TRPV5: variants seen among roughly 807,000 people sequenced by gnomAD.
TRPV5 encodes transient receptor potential cation channel subfamily V member 5.
Under a neutral mutation model 74.1 loss-of-function variants are expected in TRPV5, and 66 were observed. The ratio of observed to expected loss-of-function variants is 0.89; its 90% confidence interval spans 0.73 to 1.09. The LOEUF (loss-of-function observed/expected upper bound fraction) is 1.09. Ranked by LOEUF, TRPV5 falls within the 50% of genes least tolerant of loss-of-function variation. The probability of loss-of-function intolerance (pLI) is 0.00; values close to 1 mark genes in which losing one functional copy is unlikely to be tolerated. For synonymous variants in TRPV5, 399 were observed against 360.7 expected (o/e 1.11, Z -1.20); for missense variants, 936 against 930.4 (o/e 1.01, Z -0.08).
chr7:142,930,271 T>A (rs1488858583), intron 2 of TRPV5, 78 bp downstream of exon 2: 1 of 1,610,660 alleles, frequency 6.2e-7, no homozygotes, highest in East Asian at 2.2e-5. Flanking sequence ...CAAGGCCCTA[T>A]TTCACAAACT....
intron 8 of TRPV5, among the ~76,000 whole-genome samples, chr7:142,919,488 GC>G (rs1255463591): frequency 6.6e-6 from 1 of 152,152 alleles, no homozygotes; most frequent in Non-Finnish European, 1.5e-5. Flanking sequence ...AACTAATCGT[GC>G]TTTTCTGAAA....
chr7:142,908,178 C>A lies in TRPV5; in HGVS notation c.*336G>T. On this transcript the variant is annotated 3_prime_UTR_variant, in exon 15 of 15. Transcript: ENST00000265310. ...GCCCTGGGGAGCCAGAAAAGCCTCACAGCTTACTACTTTCTAGGGGCTGCG... is the reference window on the plus strand; with the variant it reads ...GCCCTGGGGAGCCAGAAAAGCCTCAAAGCTTACTACTTTCTAGGGGCTGCG... 2 of 338,044 alleles carry A rather than the reference C, an allele frequency of 5.9e-6. No individual in the cohort carries two copies. Among genetic ancestry groups the A allele is most frequent in the Non-Finnish European group, 1.1e-5 (2 of 184,752 alleles). The allele number at this position is 338,044 out of a possible 1,614,324, so 20.9% of individuals were successfully genotyped here.
rs1305521296 is a variant in TRPV5 at position 142,929,546 on chromosome 7, G to A, written c.369C>T (p.Ile123=). 16 of 1,613,976 alleles carry A rather than the reference G, an allele frequency of 9.9e-6. No homozygotes were observed. The highest frequency in any genetic ancestry group is 9.9e-5 in the South Asian group (9 of 91,088). Residue 123 remains isoleucine (I), a synonymous_variant, in exon 4 of 15, where the codon ATC becomes ATT. Coordinates refer to ENST00000265310, the MANE Select transcript of TRPV5 (RefSeq NM_019841.7). ...EAFAGQTALH[I]AVVNQNVNLV... is the part of the protein sequence containing the mutation. Reference sequence around the variant, plus strand: ...GGTTCACATTCTGGTTCACAACAGCGATGTGCAGTGCAGTCTGACCTGGCC... The same window carrying A: ...GGTTCACATTCTGGTTCACAACAGCAATGTGCAGTGCAGTCTGACCTGGCC...
intron 8 of TRPV5, among the ~76,000 whole-genome samples, chr7:142,924,383 T>TACATATACATGTATATATATAC (rs1795947862): frequency 8.3e-6 from 1 of 120,436 alleles, no homozygotes; most frequent in African/African-American, 3.9e-5. Context: ...TACATATATA[T>TACATATACATGTATATATATAC]ATATATATAC....
At position 142,915,512 on chromosome 7, in the gene TRPV5, G is replaced by A. The variant is rs767583849; in HGVS notation, c.1179C>T (p.Ile393=). 12 of 1,613,996 alleles carry A rather than the reference G, an allele frequency of 7.4e-6. No individual in the cohort carries two copies. The highest frequency in any genetic ancestry group is 5.3e-5 in the African/African-American group (4 of 74,894). Residue 393 remains isoleucine (I), a synonymous_variant, in exon 9 of 15, where the codon ATC becomes ATT. Coordinates refer to ENST00000265310, the MANE Select transcript of TRPV5 (RefSeq NM_019841.7). ...GGAGCAGGATGATCACAGCCCCAAC[G>A]ATGCTCACCAGCTCCCCCACCAGCC... ...IIRLVGELVS[I]VGAVIILLLE... is the part of the protein sequence containing the mutation.
At chr7:142,927,030 T>G (rs1407452154) in intron 7 of TRPV5, among the ~76,000 whole-genome samples, 4 of 152,234 alleles carry the variant, frequency 2.6e-5, no homozygotes, top group African/African-American at 4.8e-5. Flanking sequence ...TCTACTGCAG[T>G]CTTCAACAAA....
chr7:142,931,559 G>A (rs1283082734), intron 1 of TRPV5, among the ~76,000 whole-genome samples: 1 of 152,174 alleles, frequency 6.6e-6, no homozygotes, highest in Non-Finnish European at 1.5e-5. Context: ...CTAGACATAT[G>A]TGTATTGGCC....
At position 142,908,358 on chromosome 7, in the gene TRPV5, G is replaced by T; in HGVS notation, c.*156C>A. 1 of 790,224 alleles carries T rather than the reference G, an allele frequency of 1.3e-6. No individual in the cohort carries two copies. The highest frequency in any genetic ancestry group is 2.0e-6 in the Non-Finnish European group (1 of 498,404). The allele number at this position is 790,224 out of a possible 1,614,324, so 49.0% of individuals were successfully genotyped here. ...ATTGCCCATTGCCAGAAATTCTGAT[G>T]TGAAGTGTGAGGCATGACCCTTTAG... is the stretch of plus-strand genomic sequence containing the variant. On this transcript the variant is annotated 3_prime_UTR_variant, in exon 15 of 15. Transcript: ENST00000265310.
chr7:142,933,282 G>A (rs377303546), intron 1 of TRPV5, 50 bp downstream of exon 1: 26 of 1,600,750 alleles, frequency 1.6e-5, no homozygotes, highest in Non-Finnish European at 2.1e-5. Flanking sequence ...GTGGGTCAGA[G>A]GGTCTGAGGA....
chr7:142,913,539 T>G (rs1795743399), intron 12 of TRPV5, among the ~76,000 whole-genome samples: 1 of 152,190 alleles, frequency 6.6e-6, no homozygotes, highest in Non-Finnish European at 1.5e-5. Context: ...TTGTAATCTG[T>G]GTTATGTATA....
intron 8 of TRPV5, among the ~76,000 whole-genome samples, chr7:142,921,569 C>T (rs1243900649): frequency 2.0e-5 from 3 of 152,142 alleles, no homozygotes; most frequent in South Asian, 4.1e-4. Flanking sequence ...CCTGAGCCAC[C>T]GTGCCCAGCC....
At position 142,933,734 on chromosome 7, in the gene TRPV5, C is replaced by T. The variant is rs908730248; in HGVS notation, c.-275G>A. ...GAGGTGGTGTGTGTGCATGCAGGTG[C>T]GCTGAGGGGACTGACCGCCCTGCCT... On this transcript the variant is annotated 5_prime_UTR_variant, in exon 1 of 15. Transcript: ENST00000265310. The T allele has an allele frequency of 1.7e-5, 7 of 409,702 alleles. No homozygotes were observed. The highest frequency in any genetic ancestry group is 1.0e-4 in the African/African-American group (5 of 48,256). 25.4% of individuals were successfully genotyped at this position (409,702 alleles called of 1,614,324 possible).
In TRPV5 at chr7:142,928,119, A is replaced by G. The variant is rs1489246889; in HGVS notation, c.878T>C (p.Leu293Pro). 6.2e-7 allele frequency: 1 copy of G among 1,614,194 alleles called. No individual in the cohort carries two copies. The highest frequency in any genetic ancestry group is 1.7e-5 in the Admixed American group (1 of 60,020). ...TTTATCAGAGGAGACCACAAGCTCC[A>G]GGAAGGACAGCTCCTCTCCCCAGGA... is the stretch of plus-strand genomic sequence containing the variant. ...IDSWGEELSF[L>P]ELVVSSDKRE... Residue 293 changes from leucine to proline, a missense_variant, in exon 7 of 15, where the codon CTG (leucine) becomes CCG (proline). Transcript: ENST00000265310.
chr7:142,933,248 G>C, intron 1 of TRPV5, 84 bp downstream of exon 1: 1 of 1,527,816 alleles, frequency 6.5e-7, no homozygotes, highest in Admixed American at 1.9e-5. Flanking sequence ...CTTCTAGGGT[G>C]CTGTATTCGG....
At chr7:142,910,150 A>G (rs151099819) in intron 13 of TRPV5, among the ~76,000 whole-genome samples, 2 of 152,334 alleles carry the variant, frequency 1.3e-5, no homozygotes, top group African/African-American at 4.8e-5. Context: ...AAGCTTATCA[A>G]ATATGCCTGT....
intron 13 of TRPV5, among the ~76,000 whole-genome samples, chr7:142,910,804 A>G (rs1003867554): frequency 6.6e-6 from 1 of 152,160 alleles, no homozygotes. Flanking sequence ...TCCTCGGGTA[A>G]CAGCACCCAT....
At chr7:142,925,145 T>C (rs1275012910) in intron 8 of TRPV5, 1 of 420,082 alleles carries the variant, frequency 2.4e-6, no homozygotes. Context: ...GTTGCCCAAA[T>C]ACAACAAAAA....
At chr7:142,911,764 A>C (rs1049492329) in intron 13 of TRPV5, among the ~76,000 whole-genome samples, 1 of 152,204 alleles carries the variant, frequency 6.6e-6, no homozygotes, top group Non-Finnish European at 1.5e-5. Flanking sequence ...ATGAATGAAA[A>C]GTCTAAGGGA....
intron 7 of TRPV5, among the ~76,000 whole-genome samples, chr7:142,926,671 G>A (rs1478957419): frequency 6.6e-6 from 1 of 152,138 alleles, no homozygotes; most frequent in Non-Finnish European, 1.5e-5. Context: ...AAGATTTATG[G>A]AGGAAAAAAG....
Sources: gnomAD v4.1 joint callset for allele counts (sites outside exome capture counted in the v4.1 genomes callset) on GRCh38, gnomAD v4.1.1 for gene constraint, MANE v1.5 for transcripts, NCBI Gene and HGNC (gene_info 2026-07-23, HGNC 2026-07-21) for gene names.